Variants in ADAMTS19 observed in about 807,000 individuals in gnomAD.
ADAMTS19 encodes A disintegrin and metalloproteinase with thrombospondin motifs 19.
In ADAMTS19, 93 loss-of-function variants were observed where a neutral mutation model predicts 153.3. That is an observed-to-expected ratio of 0.61 (90% CI 0.51 to 0.72). ADAMTS19 has a LOEUF of 0.72. Among genes scored for constraint, ADAMTS19 ranks in the 30% least tolerant of loss-of-function variants. The probability of loss-of-function intolerance (pLI) is 0.00; values close to 1 mark genes in which losing one functional copy is unlikely to be tolerated. For missense variants in ADAMTS19, 1,482 were observed against 1,552.1 expected (o/e 0.95, Z 0.76); for synonymous variants, 600 against 556.6 (o/e 1.08, Z -1.10).
chr5:129,738,098 G>A lies in ADAMTS19; in HGVS notation c.*880G>A, dbSNP rs779994324. 3.3e-5 allele frequency: 5 copies of A among 152,274 alleles called. No homozygotes were observed. Among genetic ancestry groups the A allele is most frequent in the African/African-American group, 7.3e-5 (3 of 41,376 alleles). The allele number at this position is 152,274 out of a possible 1,614,324, so 9.4% of individuals were successfully genotyped here. On this transcript the variant is annotated 3_prime_UTR_variant, in exon 23 of 23. Coordinates refer to ENST00000274487, the MANE Select transcript of ADAMTS19 (RefSeq NM_133638.6). ...TAAAGAGTATAGTACTTAGCCTCACGAATCATAATTAGAAAATTTACTAGT... is the reference window on the plus strand; with the variant it reads ...TAAAGAGTATAGTACTTAGCCTCACAAATCATAATTAGAAAATTTACTAGT...
intron 6 of ADAMTS19, among the ~76,000 whole-genome samples, chr5:129,539,331 C>G (rs1186336553): frequency 6.6e-6 from 1 of 152,034 alleles, no homozygotes; most frequent in Admixed American, 6.6e-5. Context: ...GCTATAAACC[C>G]AGTTTTGCAG....
intron 10 of ADAMTS19, among the ~76,000 whole-genome samples, chr5:129,625,888 T>G (rs2126988796): frequency 6.6e-6 from 1 of 152,316 alleles, no homozygotes; most frequent in Non-Finnish European, 1.5e-5. Context: ...TTGCCATTGC[T>G]TTTGGTGTTT....
chr5:129,649,662 A>G (rs1296376796), intron 13 of ADAMTS19, among the ~76,000 whole-genome samples: 3 of 152,130 alleles, frequency 2.0e-5, no homozygotes, highest in Non-Finnish European at 4.4e-5. Context: ...CAGTGGTTGC[A>G]CAAATCTACA....
intron 6 of ADAMTS19, among the ~76,000 whole-genome samples, chr5:129,530,666 A>G (rs1752169375): frequency 6.6e-6 from 1 of 152,154 alleles, no homozygotes; most frequent in Non-Finnish European, 1.5e-5. Flanking sequence ...CTGAAAGGGT[A>G]TCTATCGAAA....
chr5:129,551,430 A>G (rs990362552), intron 6 of ADAMTS19, among the ~76,000 whole-genome samples: 3 of 151,774 alleles, frequency 2.0e-5, no homozygotes, highest in Non-Finnish European at 3.0e-5. Flanking sequence ...GTCTTATGAT[A>G]GAAAATATTA....
chr5:129,623,640 A>G (rs1751887121), intron 10 of ADAMTS19, among the ~76,000 whole-genome samples: 1 of 152,152 alleles, frequency 6.6e-6, no homozygotes, highest in Non-Finnish European at 1.5e-5. Context: ...TTGTGCACTT[A>G]TTTGTTTATT....
intron 16 of ADAMTS19, among the ~76,000 whole-genome samples, chr5:129,678,507 G>C (rs1754653224): frequency 6.6e-6 from 1 of 151,898 alleles, no homozygotes; most frequent in South Asian, 2.1e-4. Context: ...CCAGAACTTT[G>C]AATGTTGCCT....
At chr5:129,646,592 C>G (rs1753076221) in intron 11 of ADAMTS19, among the ~76,000 whole-genome samples, 1 of 151,934 alleles carries the variant, frequency 6.6e-6, no homozygotes, top group Non-Finnish European at 1.5e-5. Flanking sequence ...TACAGTTAGC[C>G]CTTATTAAAT....
intron 6 of ADAMTS19, among the ~76,000 whole-genome samples, chr5:129,545,369 C>T (rs1489971221): frequency 2.0e-5 from 3 of 152,072 alleles, no homozygotes; most frequent in African/African-American, 7.2e-5. Context: ...CAGCAGGCTA[C>T]ATAGAGTGGT....
chr5:129,572,929 T>A (rs1209631541), intron 7 of ADAMTS19, among the ~76,000 whole-genome samples: 1 of 152,008 alleles, frequency 6.6e-6, no homozygotes, highest in Non-Finnish European at 1.5e-5. Flanking sequence ...AAATTAAAGT[T>A]AGAACAAAAC....
intron 7 of ADAMTS19, among the ~76,000 whole-genome samples, chr5:129,566,612 AG>A (rs1406005033): frequency 6.6e-6 from 1 of 152,194 alleles, no homozygotes; most frequent in East Asian, 1.9e-4. Flanking sequence ...AGTTGTCATT[AG>A]GGCCTGTAGA....
intron 8 of ADAMTS19, among the ~76,000 whole-genome samples, chr5:129,613,067 G>C (rs1476620181): frequency 6.6e-6 from 1 of 152,106 alleles, no homozygotes; most frequent in African/African-American, 2.4e-5. Flanking sequence ...AAGAGACTTA[G>C]ACTCCCACAC....
Position 129,495,860 on chromosome 5 carries a change from C to T in ADAMTS19, c.748-13217C>T, listed in dbSNP as rs1015707377. Among the ~76,000 whole-genome samples the T allele has an allele frequency of 3.9e-5, 6 of 152,136 alleles. No homozygotes were observed. The East Asian group carries it at 9.7e-4, about 24-fold the overall frequency. ...CAGGGTTTATACCATATTATATCAGCTCTTTAGGTGTATGATCTCCTATAG... is the reference window on the plus strand; with the variant it reads ...CAGGGTTTATACCATATTATATCAGTTCTTTAGGTGTATGATCTCCTATAG... On this transcript the variant is annotated intron_variant, in intron 2 of 22. Coordinates refer to ENST00000274487, the MANE Select transcript of ADAMTS19 (RefSeq NM_133638.6).
At chr5:129,652,799 A>G (rs1753374550) in intron 13 of ADAMTS19, among the ~76,000 whole-genome samples, 1 of 152,188 alleles carries the variant, frequency 6.6e-6, no homozygotes, top group African/African-American at 2.4e-5. Context: ...CTTCTCTTCA[A>G]TGAAAACTCC....
chr5:129,549,394 C>T (rs1189121469), intron 6 of ADAMTS19, among the ~76,000 whole-genome samples: 1 of 151,368 alleles, frequency 6.6e-6, no homozygotes, highest in Non-Finnish European at 1.5e-5. Context: ...AGAGATAGGA[C>T]AAGCAAATAT....
At chr5:129,647,030 A>T (rs375509106) in intron 11 of ADAMTS19, among the ~76,000 whole-genome samples, 1 of 152,146 alleles carries the variant, frequency 6.6e-6, no homozygotes, top group Non-Finnish European at 1.5e-5. Flanking sequence ...AAAATAAAAT[A>T]AAAATAAAAA....
chr5:129,591,689 G>A (rs533541407), intron 7 of ADAMTS19, among the ~76,000 whole-genome samples: 7 of 152,156 alleles, frequency 4.6e-5, no homozygotes, highest in African/African-American at 1.4e-4. Context: ...ATAATAGTAA[G>A]ACTCATAGTA....
chr5:129,693,706 T>G (rs1354975829), intron 18 of ADAMTS19, among the ~76,000 whole-genome samples: 1 of 152,178 alleles, frequency 6.6e-6, no homozygotes, highest in Non-Finnish European at 1.5e-5. Flanking sequence ...GTAAAGGAAG[T>G]GTGCTTACAG....
At chr5:129,717,261 T>A (rs1756774037) in intron 21 of ADAMTS19, among the ~76,000 whole-genome samples, 1 of 152,178 alleles carries the variant, frequency 6.6e-6, no homozygotes, top group Admixed American at 6.6e-5. Context: ...GCAAAAAAAA[T>A]TTAAAAAGTA....
Sources: allele counts gnomAD v4.1 joint callset (sites outside exome capture counted in the v4.1 genomes callset), GRCh38; gene constraint gnomAD v4.1.1; transcripts MANE v1.5; gene names NCBI Gene and HGNC (gene_info 2026-07-23, HGNC 2026-07-21).